PDE1C: variants seen among roughly 807,000 people sequenced by gnomAD.
The protein encoded by PDE1C is dual specificity calcium/calmodulin-dependent 3',5'-cyclic nucleotide phosphodiesterase 1C.
A neutral mutation model predicts 93.1 loss-of-function variants in PDE1C; 62 were observed. That is an observed-to-expected ratio of 0.67 (90% CI 0.54 to 0.82). The LOEUF (loss-of-function observed/expected upper bound fraction) is 0.82. Ranked by LOEUF, PDE1C falls within the 40% of genes least tolerant of loss-of-function variation. The pLI is 0.00. For synonymous variants in PDE1C, 325 were observed against 310.1 expected, an observed-to-expected ratio of 1.05 and a Z score of -0.50; for missense variants, 742 against 884.6, an observed-to-expected ratio of 0.84 and a Z score of 2.04.
At chr7:32,148,075 G>A (rs1049900439) in intron 3 of PDE1C, among the ~76,000 whole-genome samples, 5 of 146,926 alleles carry the variant, frequency 3.4e-5, no homozygotes, top group African/African-American at 1.3e-4. Flanking sequence ...AAGAAGCCTT[G>A]CTGAACTCCC....
chr7:31,681,581 C>T, the PDE1C span, among the ~76,000 whole-genome samples: 2 of 152,152 alleles, frequency 1.3e-5, no homozygotes, highest in Non-Finnish European at 2.9e-5. Context: ...GCACCCAATG[C>T]ACCTTCTTGT....
chr7:32,362,559 A>G (rs1004463331), intron 1 of PDE1C, among the ~76,000 whole-genome samples: 18 of 152,166 alleles, frequency 1.2e-4, no homozygotes, highest in African/African-American at 3.9e-4. Flanking sequence ...GATGGAGTTC[A>G]GCCTGAAAAG....
intron 16 of PDE1C, chr7:31,786,737 G>A (rs1783982162): frequency 6.6e-6 from 1 of 152,114 alleles, no homozygotes; most frequent in Non-Finnish European, 1.5e-5. Context: ...CACATACACA[G>A]ATTTCCAATC....
intron 1 of PDE1C, among the ~76,000 whole-genome samples, chr7:32,054,461 G>C (rs1311249326): frequency 6.6e-6 from 1 of 152,052 alleles, no homozygotes; most frequent in Non-Finnish European, 1.5e-5. Flanking sequence ...AAGATTTTTA[G>C]GCCCCTTGGT....
intron 2 of PDE1C, among the ~76,000 whole-genome samples, chr7:31,969,849 C>T (rs1364801918): frequency 2.0e-5 from 3 of 151,998 alleles, no homozygotes; most frequent in Non-Finnish European, 4.4e-5. Flanking sequence ...GTAGGGACAT[C>T]GATGAAGCTG....
the PDE1C span, among the ~76,000 whole-genome samples, chr7:31,619,651 T>G: frequency 2.0e-5 from 3 of 152,068 alleles, no homozygotes; most frequent in East Asian, 5.8e-4. Context: ...TAGGAACAGC[T>G]CCAGTCTACA....
chr7:31,941,417 A>G (rs1805826341), intron 2 of PDE1C: 1 of 159,524 alleles, frequency 6.3e-6, no homozygotes, highest in Non-Finnish European at 1.4e-5. Context: ...TCTTTTTGCC[A>G]AAGCCACAGA....
the PDE1C span, chr7:31,695,460 C>T: frequency 1.3e-6 from 2 of 1,590,500 alleles, no homozygotes; most frequent in Non-Finnish European, 1.7e-6. Context: ...TGTATCCTGT[C>T]AAAATTAGAT....
chr7:32,376,486 G>C (rs923792089), intron 1 of PDE1C, among the ~76,000 whole-genome samples: 1 of 152,206 alleles, frequency 6.6e-6, no homozygotes, highest in African/African-American at 2.4e-5. Flanking sequence ...TTACCAAAGA[G>C]CCCTGAATCC....
In PDE1C at chr7:32,203,484, G is replaced by T. The variant is rs78487184; in HGVS notation, c.136+6005C>A. ...CATTTCCCATCTCTGCAGAGGGAAG[G>T]TGATCATTCACCCAGCACAAAAATA... is the stretch of plus-strand genomic sequence containing the variant. On this transcript the variant is annotated intron_variant, in intron 2 of 18. Coordinates refer to the PDE1C transcript ENST00000396193. Among the ~76,000 whole-genome samples the T allele has an allele frequency of 4.4e-3, 664 of 152,182 alleles. 7 individuals carry two copies. Among genetic ancestry groups the T allele is most frequent in the African/African-American group, 0.015 (633 of 41,518 alleles).
intron 3 of PDE1C, among the ~76,000 whole-genome samples, chr7:32,142,203 G>A (rs1486025028): frequency 6.6e-6 from 1 of 152,106 alleles, no homozygotes. Context: ...GGGGAAGGAG[G>A]AGGAAATAGA....
At chr7:31,749,363 T>C (rs2128590156), downstream of PDE1C, among the ~76,000 whole-genome samples, 1 of 152,282 alleles carries the variant, frequency 6.6e-6, no homozygotes, top group Admixed American at 6.5e-5. Flanking sequence ...CTTACGTGGA[T>C]TGGTCTTGCC....
At chr7:31,716,390 G>A in the PDE1C span, among the ~76,000 whole-genome samples, 38 of 152,056 alleles carry the variant, frequency 2.5e-4, no homozygotes, top group Admixed American at 2.2e-3. Context: ...GCAGAGAGAG[G>A]GAGGGTCAGC....
chr7:31,934,272 T>C (rs1804716632), intron 2 of PDE1C, among the ~76,000 whole-genome samples: 1 of 152,188 alleles, frequency 6.6e-6, no homozygotes, highest in African/African-American at 2.4e-5. Flanking sequence ...CTCTGATAAG[T>C]ACACTGATTC....
chr7:31,918,130 C>T (rs879450002), intron 2 of PDE1C, among the ~76,000 whole-genome samples: 16 of 151,974 alleles, frequency 1.1e-4, no homozygotes, highest in Non-Finnish European at 1.9e-4. Context: ...TAGTAGCTAC[C>T]AATTTTTTTA....
the PDE1C span, among the ~76,000 whole-genome samples, chr7:31,690,142 C>T: frequency 6.6e-6 from 1 of 152,196 alleles, no homozygotes; most frequent in Non-Finnish European, 1.5e-5. Flanking sequence ...TCAGAGGAGG[C>T]CTGGACCTCC....
chr7:31,812,618 A>G (rs115212840), intron 15 of PDE1C, among the ~76,000 whole-genome samples: 2,297 of 152,284 alleles, frequency 0.015, 50 homozygotes, highest in East Asian at 0.075. Context: ...GTTTTATTGG[A>G]AAACAGGATA....
rs546791566 is a variant in PDE1C at position 32,025,386 on chromosome 7, G to T, written c.128+26168C>A. Among the ~76,000 whole-genome samples the T allele has an allele frequency of 3.9e-5, 6 of 152,190 alleles. No individual in the cohort carries two copies. The East Asian group carries it at 1.2e-3, about 29-fold the overall frequency. On this transcript the variant is annotated intron_variant, in intron 2 of 17. Transcript: ENST00000396191. Reference sequence around the variant, plus strand: ...AGCTGGAGTGGGAGTTGAGGGTAGGGGGATTAGCAGAAACCAGTGGGGCAT... The same window carrying T: ...AGCTGGAGTGGGAGTTGAGGGTAGGTGGATTAGCAGAAACCAGTGGGGCAT...
At chr7:31,796,361 A>G (rs147340837) in intron 16 of PDE1C, among the ~76,000 whole-genome samples, 1 of 151,794 alleles carries the variant, frequency 6.6e-6, no homozygotes, top group African/African-American at 2.4e-5. Flanking sequence ...TACTACAAAC[A>G]TGAATTTCCA....
Sources: gnomAD v4.1 joint callset for allele counts (sites outside exome capture counted in the v4.1 genomes callset) on GRCh38, gnomAD v4.1.1 for gene constraint, MANE v1.5 for transcripts, NCBI Gene and HGNC (gene_info 2026-07-23, HGNC 2026-07-21) for gene names.